CDH7: variants seen among roughly 807,000 people sequenced by gnomAD.
CDH7 encodes the protein cadherin 7, also known as cadherin-7.
Under a neutral mutation model 71.8 loss-of-function variants are expected in CDH7, and 25 were observed. The observed-to-expected ratio is 0.35, with a 90% CI of 0.25 to 0.49. The LOEUF is 0.49. Ranked by LOEUF, CDH7 falls within the 20% of genes least tolerant of loss-of-function variation. The pLI, the probability that CDH7 is intolerant of heterozygous loss-of-function variation, is 0.99. For synonymous variants in CDH7, 381 were observed against 363.8 expected (o/e 1.05, Z -0.54); for missense variants, 862 against 974.6 (o/e 0.88, Z 1.54).
chr18:65,850,899 C>T (rs916332743), intron 7 of CDH7, among the ~76,000 whole-genome samples: 3 of 151,102 alleles, frequency 2.0e-5, no homozygotes, highest in African/African-American at 7.3e-5. Flanking sequence ...GCAACTTCCG[C>T]CTTCTGGGCT....
chr18:65,827,397 C>T (rs186660034), intron 6 of CDH7, among the ~76,000 whole-genome samples: 6 of 151,678 alleles, frequency 4.0e-5, no homozygotes, highest in Admixed American at 3.3e-4. Context: ...TAATATGTAA[C>T]GAAAGAATTC....
rs1914391314 is a variant in CDH7, at chr18:65,887,107, G to T, written c.*6213G>T. ...TTTTCATTTTATTAATGAATATAAT[G>T]ATGTTAATGGTTTATATAAGCAGGA... On this transcript the variant is annotated 3_prime_UTR_variant, in exon 12 of 12. Transcript: ENST00000397968. The T allele has an allele frequency of 6.6e-6, 1 of 151,932 alleles. No homozygotes were observed. Among genetic ancestry groups the T allele is most frequent in the South Asian group, 2.1e-4 (1 of 4,810 alleles). 9.4% of individuals were successfully genotyped at this position (151,932 alleles called of 1,614,324 possible).
In CDH7 at chr18:65,869,545, A is replaced by ATTTTTT. The variant is rs10696115; in HGVS notation, c.1864+6648_1864+6653dup. Reference sequence around the variant, plus strand: ...CTTCCCATAATCTACAAGTGGGTCAATTTTTTTTTTTTTTTTTTTTTTTTT... The same window carrying ATTTTTT: ...CTTCCCATAATCTACAAGTGGGTCAATTTTTTTTTTTTTTTTTTTTTTTTTTTTTTT... On this transcript the variant is annotated intron_variant, in intron 11 of 11. Transcript: ENST00000397968. 2.6e-3 allele frequency among the ~76,000 whole-genome samples: 236 copies of ATTTTTT among 91,366 alleles called. 1 individual carries two copies. The highest frequency in any genetic ancestry group is 7.3e-3 in the African/African-American group (163 of 22,360). 59.9% of individuals were successfully genotyped at this position (91,366 alleles called of 152,430 possible).
chr18:65,823,990 CAAAAGTTAAACCAAA>C (rs565466062), intron 5 of CDH7, among the ~76,000 whole-genome samples: 1 of 151,244 alleles, frequency 6.6e-6, no homozygotes, highest in South Asian at 2.1e-4. Flanking sequence ...GGAGTTATTA[CAAAAGTTAAACCAAA>C]AATTTTAGAA....
chr18:65,840,924 T>A (rs1446090303), intron 6 of CDH7, among the ~76,000 whole-genome samples: 5 of 152,134 alleles, frequency 3.3e-5, no homozygotes, highest in African/African-American at 1.2e-4. Context: ...ATCTTAGTAA[T>A]TAATTCTAAT....
In CDH7 at chr18:65,881,305, G is replaced by GA. The variant is rs1914225369; in HGVS notation, c.*416dup. 1 of 155,598 alleles carries GA rather than the reference G, an allele frequency of 6.4e-6. No individual in the cohort carries two copies. Among genetic ancestry groups the GA allele is most frequent in the Non-Finnish European group, 1.4e-5 (1 of 70,374 alleles). 9.6% of individuals were successfully genotyped at this position (155,598 alleles called of 1,614,324 possible). ...GAGGAATAGAACATGATGAGCTATT[G>GA]AAAAACCCTGGAACTTGTTGCATAT... is the stretch of plus-strand genomic sequence containing the variant. On this transcript the variant is annotated 3_prime_UTR_variant, in exon 12 of 12. Coordinates refer to ENST00000397968, the MANE Select transcript of CDH7 (RefSeq NM_004361.5).
At chr18:65,769,244 G>T (rs1323204061) in intron 2 of CDH7, among the ~76,000 whole-genome samples, 6 of 152,076 alleles carry the variant, frequency 3.9e-5, no homozygotes, top group African/African-American at 1.4e-4. Flanking sequence ...TATCTTCTTA[G>T]AAAACAGGGC....
chr18:65,830,554 T>TCCTCCC, intron 6 of CDH7, among the ~76,000 whole-genome samples: 1 of 150,844 alleles, frequency 6.6e-6, no homozygotes, highest in Non-Finnish European at 1.5e-5. Flanking sequence ...TCCTTCCTTC[T>TCCTCCC]TTCCTTCCTC....
At chr18:65,852,520 T>C (rs1292632321) in intron 7 of CDH7, among the ~76,000 whole-genome samples, 2 of 152,104 alleles carry the variant, frequency 1.3e-5, no homozygotes, top group African/African-American at 2.4e-5. Flanking sequence ...CTGGATCTCT[T>C]CCATTGTGTT....
intron 2 of CDH7, among the ~76,000 whole-genome samples, chr18:65,780,529 C>T (rs1312856776): frequency 3.6e-5 from 5 of 137,952 alleles, no homozygotes; most frequent in African/African-American, 1.4e-4. Flanking sequence ...ATATGGCTAG[C>T]CAGTTTTCCC....
chr18:65,803,615 G>A (rs1457892295), intron 2 of CDH7: 1 of 151,906 alleles, frequency 6.6e-6, no homozygotes, highest in Non-Finnish European at 1.5e-5. Flanking sequence ...TCAACAGCTT[G>A]ATAATTGCAA....
chr18:65,763,701 T>C (rs1447680583), intron 2 of CDH7, among the ~76,000 whole-genome samples: 2 of 151,848 alleles, frequency 1.3e-5, no homozygotes, highest in Non-Finnish European at 2.9e-5. Flanking sequence ...GAAATGATAT[T>C]AGACAAGTGA....
In CDH7 at chr18:65,863,163, G is replaced by T. The variant is rs140722647; in HGVS notation, c.1864+246G>T. 6 of 534,036 alleles carry T rather than the reference G, an allele frequency of 1.1e-5. No homozygotes were observed. In the South Asian group the frequency reaches 1.3e-4, roughly 12 times the overall value. The allele number at this position is 534,036 out of a possible 1,614,324, so 33.1% of individuals were successfully genotyped here. ...AGCAATTCTCCCACCTCAGCCTCCC[G>T]AGTAGCTGGGATTACAGGGGTGCAC... On this transcript the variant is annotated intron_variant, in intron 11 of 11. Coordinates refer to ENST00000397968, the MANE Select transcript of CDH7 (RefSeq NM_004361.5).
chr18:65,843,798 G>A lies in CDH7; in HGVS notation c.982-14G>A, dbSNP rs749042239. The A allele has an allele frequency of 9.0e-5, 133 of 1,476,074 alleles. 1 individual carries two copies. Among genetic ancestry groups the A allele is most frequent in the Non-Finnish European group, 1.1e-4 (123 of 1,109,350 alleles). The allele number at this position is 1,476,074 out of a possible 1,614,324, so 91.4% of individuals were successfully genotyped here. ...TAACCGGTAATTTAATTTTCCTAAC[G>A]ACTTTCTTTACAGGAGCTGGATTTT... On this transcript the variant is annotated splice_polypyrimidine_tract_variant and intron_variant, in intron 6 of 11. Coordinates refer to ENST00000397968, the MANE Select transcript of CDH7 (RefSeq NM_004361.5).
At chr18:65,806,301 A>T (rs1323008096) in intron 2 of CDH7, among the ~76,000 whole-genome samples, 1 of 151,862 alleles carries the variant, frequency 6.6e-6, no homozygotes, top group Non-Finnish European at 1.5e-5. Flanking sequence ...AAAAAAAAAA[A>T]ATCTTTAAAT....
At chr18:65,816,491 T>A (rs1396042137) in intron 4 of CDH7, among the ~76,000 whole-genome samples, 2 of 152,116 alleles carry the variant, frequency 1.3e-5, no homozygotes, top group East Asian at 3.8e-4. Context: ...AATCTAAGGG[T>A]TTTTTGGGAA....
intron 2 of CDH7, among the ~76,000 whole-genome samples, chr18:65,786,256 G>A (rs1910508669): frequency 1.3e-5 from 2 of 151,908 alleles, no homozygotes; most frequent in Admixed American, 6.5e-5. Flanking sequence ...GACATTAGAA[G>A]CATACCTAAC....
intron 6 of CDH7, among the ~76,000 whole-genome samples, chr18:65,836,753 T>C (rs1259247133): frequency 6.6e-6 from 1 of 152,196 alleles, no homozygotes; most frequent in African/African-American, 2.4e-5. Flanking sequence ...TAATCTCTTT[T>C]GCTTATTCTA....
intron 3 of CDH7, among the ~76,000 whole-genome samples, chr18:65,812,883 G>C (rs1911592649): frequency 6.6e-6 from 1 of 152,220 alleles, no homozygotes; most frequent in Non-Finnish European, 1.5e-5. Flanking sequence ...ATATTGTAAA[G>C]ATGATACATA....
Sources: gnomAD v4.1 joint callset for allele counts (sites outside exome capture counted in the v4.1 genomes callset) on GRCh38, gnomAD v4.1.1 for gene constraint, MANE v1.5 for transcripts, NCBI Gene and HGNC (gene_info 2026-07-23, HGNC 2026-07-21) for gene names.